Variants in DOCK1 observed in about 807,000 individuals in gnomAD.
The protein encoded by DOCK1 is dedicator of cytokinesis protein 1.
A neutral mutation model predicts 262.7 loss-of-function variants in DOCK1; 138 were observed. The ratio of observed to expected loss-of-function variants is 0.53; its 90% confidence interval spans 0.46 to 0.61. The LOEUF (loss-of-function observed/expected upper bound fraction) is 0.61. Among genes scored for constraint, DOCK1 ranks in the 20% least tolerant of loss-of-function variants. The pLI, the probability that DOCK1 is intolerant of heterozygous loss-of-function variation, is 0.00. For missense variants in DOCK1, 1,908 were observed against 2,370.7 expected (o/e 0.80, Z 4.05); for synonymous variants, 866 against 867.4 (o/e 1.00, Z 0.03).
chr10:127,374,729 C>T (rs1235523158), intron 35 of DOCK1, among the ~76,000 whole-genome samples: 1 of 152,128 alleles, frequency 6.6e-6, no homozygotes, highest in Non-Finnish European at 1.5e-5. Context: ...CAGGTGTCCT[C>T]ATAAGAGACA....
chr10:127,017,396 C>T (rs56053945), intron 12 of DOCK1, among the ~76,000 whole-genome samples: 61,160 of 151,524 alleles, frequency 0.4, 12,601 homozygotes, highest in African/African-American at 0.48. Flanking sequence ...CATACAGATA[C>T]AGACACAGAC....
chr10:127,411,696 C>T (rs1054951716), intron 43 of DOCK1, among the ~76,000 whole-genome samples: 38 of 152,118 alleles, frequency 2.5e-4, no homozygotes, highest in African/African-American at 8.2e-4. Context: ...CAACATTAGC[C>T]GGGCGTGGTG....
At chr10:126,999,224 T>C (rs1375591590) in intron 8 of DOCK1, 130 bp from the exon 9 acceptor site, 4 of 673,350 alleles carry the variant, frequency 5.9e-6, no homozygotes, top group African/African-American at 3.7e-5. Flanking sequence ...GTGATACTTT[T>C]GATATTTATA....
intron 1 of DOCK1, among the ~76,000 whole-genome samples, chr10:126,968,808 T>C (rs2037872025): frequency 6.6e-6 from 1 of 152,236 alleles, no homozygotes; most frequent in Non-Finnish European, 1.5e-5. Flanking sequence ...CTTCACCTGA[T>C]GCAGTTATTT....
chr10:127,031,757 T>C lies in DOCK1; in HGVS notation c.1728+4T>C. 2 of 1,610,312 alleles carry C rather than the reference T, an allele frequency of 1.2e-6. No homozygotes were observed. Among genetic ancestry groups the C allele is most frequent in the Non-Finnish European group, 1.7e-6 (2 of 1,178,662 alleles). Reference sequence around the variant, plus strand: ...GCACGATCTTATCGTCTATAAGGTATCTGGTTGCATTGGTGCAATATTGCT... The same window carrying C: ...GCACGATCTTATCGTCTATAAGGTACCTGGTTGCATTGGTGCAATATTGCT... On this transcript the variant is annotated splice_donor_region_variant and intron_variant, in intron 17 of 51. Coordinates refer to ENST00000623213, the MANE Select transcript of DOCK1 (RefSeq NM_001290223.2).
rs540748445 is a variant in DOCK1 at position 127,234,775 on chromosome 10, T to C, written c.2848-13233T>C. ...ACCATTTGAAAGCTACAATAAAGTA[T>C]TAATTAAATTGAAAGTACTCTGTTT... On this transcript the variant is annotated intron_variant, in intron 27 of 51. Transcript: ENST00000623213. Among the ~76,000 whole-genome samples, 37 of 152,058 alleles carry C rather than the reference T, an allele frequency of 2.4e-4. No individual in the cohort carries two copies. The Middle Eastern group carries it at 0.01, about 42-fold the overall frequency.
chr10:127,081,213 G>A (rs577689940), intron 23 of DOCK1, among the ~76,000 whole-genome samples: 8 of 152,230 alleles, frequency 5.3e-5, no homozygotes, highest in African/African-American at 1.2e-4. Context: ...GCCATTTGAA[G>A]TATCTGATTT....
At chr10:127,059,261 A>G (rs763196602) in intron 22 of DOCK1, among the ~76,000 whole-genome samples, 3 of 152,084 alleles carry the variant, frequency 2.0e-5, no homozygotes, top group Admixed American at 6.6e-5. Context: ...GTTATTGACA[A>G]TCTTACTATG....
In DOCK1 at chr10:127,444,233, C is replaced by G; in HGVS notation, c.5367C>G (p.Pro1789=). 1 of 1,612,292 alleles carries G rather than the reference C, an allele frequency of 6.2e-7. No individual in the cohort carries two copies. The highest frequency in any genetic ancestry group is 8.5e-7 in the Non-Finnish European group (1 of 1,179,406). ...CGTCACCGTCCTCCCAGCAAACACC[C>G]CCTCCAGTTACACCAAGGGCCAAGC... ...SPSSPSSQQT[P]PPVTPRAKLS... Residue 1789 remains proline, a synonymous_variant, in exon 50 of 52, where the codon CCC becomes CCG. Coordinates refer to ENST00000623213, the MANE Select transcript of DOCK1 (RefSeq NM_001290223.2).
At chr10:127,366,657 T>C (rs954077582) in intron 33 of DOCK1, among the ~76,000 whole-genome samples, 4 of 140,308 alleles carry the variant, frequency 2.9e-5, no homozygotes, top group African/African-American at 1.1e-4. Flanking sequence ...GCACAAGGGA[T>C]GGCCCCTATT....
chr10:127,148,759 G>A (rs1369100749), intron 27 of DOCK1, among the ~76,000 whole-genome samples: 4 of 152,066 alleles, frequency 2.6e-5, no homozygotes, highest in Non-Finnish European at 5.9e-5. Flanking sequence ...AAATAATTAC[G>A]GCATATTTTG....
chr10:127,223,966 T>C lies in DOCK1; in HGVS notation c.2848-24042T>C, dbSNP rs192242209. Reference sequence around the variant, plus strand: ...TGCTTGTGGGTGAGAAATGAGTTAATTAAGCCCTTTCTGCCATGATAACTC... The same window carrying C: ...TGCTTGTGGGTGAGAAATGAGTTAACTAAGCCCTTTCTGCCATGATAACTC... On this transcript the variant is annotated intron_variant, in intron 27 of 51. Coordinates refer to ENST00000623213, the MANE Select transcript of DOCK1 (RefSeq NM_001290223.2). Among the ~76,000 whole-genome samples the C allele has an allele frequency of 4.5e-4, 68 of 152,310 alleles. 1 individual carries two copies. Among genetic ancestry groups the C allele is most frequent in the Admixed American group, 4.2e-3 (64 of 15,300 alleles).
chr10:127,059,238 C>G (rs1274975307), intron 22 of DOCK1, among the ~76,000 whole-genome samples: 1 of 151,964 alleles, frequency 6.6e-6, no homozygotes, highest in African/African-American at 2.4e-5. Flanking sequence ...TTTAGTTTGT[C>G]TCCTTTTCTG....
chr10:127,188,092 G>C (rs978908439), intron 27 of DOCK1, among the ~76,000 whole-genome samples: 1 of 152,156 alleles, frequency 6.6e-6, no homozygotes, highest in African/African-American at 2.4e-5. Context: ...GGGAGGTTGA[G>C]CCCCTTCCAT....
chr10:127,331,638 A>G (rs2062987716), intron 29 of DOCK1, among the ~76,000 whole-genome samples: 1 of 152,222 alleles, frequency 6.6e-6, no homozygotes, highest in Non-Finnish European at 1.5e-5. Context: ...GAGTCTGTTC[A>G]GTCCATTGGG....
At chr10:126,982,146 C>T (rs984834684) in intron 4 of DOCK1, among the ~76,000 whole-genome samples, 173 bp downstream of exon 4, 3 of 152,156 alleles carry the variant, frequency 2.0e-5, no homozygotes, top group African/African-American at 4.8e-5. Context: ...TTGTGTTTAA[C>T]ATGGCTTTTA....
intron 2 of DOCK1, among the ~76,000 whole-genome samples, chr10:126,972,846 G>T (rs2038219788): frequency 6.6e-6 from 1 of 151,830 alleles, no homozygotes; most frequent in Non-Finnish European, 1.5e-5. Flanking sequence ...GTGGAAGCCA[G>T]TGCAGCTCTG....
At chr10:127,260,851 G>T (rs374265187) in intron 29 of DOCK1, among the ~76,000 whole-genome samples, 1 of 133,222 alleles carries the variant, frequency 7.5e-6, no homozygotes, top group Non-Finnish European at 1.6e-5. Flanking sequence ...GTGTGTACCC[G>T]TGCTCATCTG....
intron 1 of DOCK1, among the ~76,000 whole-genome samples, chr10:126,939,916 A>AATTC (rs2034860971): frequency 6.6e-6 from 1 of 152,096 alleles, no homozygotes; most frequent in African/African-American, 2.4e-5. Context: ...TTGTCCTTTG[A>AATTC]AGGCCACGCC....
Sources: allele counts gnomAD v4.1 joint callset (sites outside exome capture counted in the v4.1 genomes callset), GRCh38; gene constraint gnomAD v4.1.1; transcripts MANE v1.5; gene names NCBI Gene and HGNC (gene_info 2026-07-23, HGNC 2026-07-21).